CCDC178: variants seen among roughly 807,000 people sequenced by gnomAD.
The protein encoded by CCDC178 is coiled-coil domain containing 178.
In CCDC178, 126 loss-of-function variants were observed where a neutral mutation model predicts 117.4. That is an observed-to-expected ratio of 1.07 (90% CI 0.93 to 1.24). The LOEUF (loss-of-function observed/expected upper bound fraction) is 1.24. CCDC178 is among the 50% of genes most tolerant of loss of function. The pLI, the probability that CCDC178 is intolerant of heterozygous loss-of-function variation, is 0.00. For synonymous variants in CCDC178, 283 were observed against 313.4 expected, an observed-to-expected ratio of 0.90 and a Z score of 1.02; for missense variants, 1,030 against 986.9, an observed-to-expected ratio of 1.04 and a Z score of -0.59.
At chr18:32,977,290 G>C (rs929825888) in intron 21 of CCDC178, among the ~76,000 whole-genome samples, 3 of 152,022 alleles carry the variant, frequency 2.0e-5, no homozygotes, top group African/African-American at 7.3e-5. Context: ...TTCTCTCTCT[G>C]ATATTTTAGC....
At chr18:33,046,632 A>G (rs1230602301) in intron 21 of CCDC178, among the ~76,000 whole-genome samples, 1 of 152,202 alleles carries the variant, frequency 6.6e-6, no homozygotes, top group Non-Finnish European at 1.5e-5. Flanking sequence ...TGATAATGCT[A>G]CAAACTATAA....
chr18:32,979,855 A>G (rs528967492), intron 21 of CCDC178, among the ~76,000 whole-genome samples: 48 of 152,346 alleles, frequency 3.2e-4, no homozygotes, highest in African/African-American at 1.1e-3. Context: ...GAGTAATATT[A>G]GGATCATCCA....
At chr18:33,243,626 A>G (rs1016078797) in intron 15 of CCDC178, among the ~76,000 whole-genome samples, 1 of 151,968 alleles carries the variant, frequency 6.6e-6, no homozygotes, top group Non-Finnish European at 1.5e-5. Context: ...CTTGCATTGA[A>G]TCTGTAAGTT....
chr18:32,938,114 C>G, intron 22 of CCDC178, 23 bp from the exon 23 acceptor site: 1 of 1,522,952 alleles, frequency 6.6e-7, no homozygotes. Flanking sequence ...AAGAAACAAA[C>G]AAAATCAATA....
At chr18:33,101,204 T>C (rs2057621264) in intron 20 of CCDC178, among the ~76,000 whole-genome samples, 1 of 151,578 alleles carries the variant, frequency 6.6e-6, no homozygotes, top group African/African-American at 2.4e-5. Context: ...CCTTGTTAAC[T>C]ATTCCTATGC....
chr18:32,993,111 A>G (rs2055428600), intron 21 of CCDC178, among the ~76,000 whole-genome samples: 1 of 152,138 alleles, frequency 6.6e-6, no homozygotes, highest in Admixed American at 6.5e-5. Context: ...GGTTGCAGTG[A>G]GCTGAGATCA....
intron 21 of CCDC178, among the ~76,000 whole-genome samples, chr18:33,059,489 A>G (rs2056886524): frequency 6.6e-6 from 1 of 152,126 alleles, no homozygotes; most frequent in East Asian, 1.9e-4. Flanking sequence ...CCAAGCTGAG[A>G]ATATTTTTAT....
intron 21 of CCDC178, among the ~76,000 whole-genome samples, chr18:33,059,488 G>T (rs1030323419): frequency 7.2e-5 from 11 of 152,066 alleles, no homozygotes; most frequent in Non-Finnish European, 1.5e-4. Flanking sequence ...CCCAAGCTGA[G>T]AATATTTTTA....
chr18:33,080,089 G>T (rs1003251532), intron 21 of CCDC178, among the ~76,000 whole-genome samples: 1 of 152,190 alleles, frequency 6.6e-6, no homozygotes, highest in Non-Finnish European at 1.5e-5. Flanking sequence ...GGAACACTAT[G>T]CAGCCATAAA....
intron 21 of CCDC178, among the ~76,000 whole-genome samples, chr18:32,980,584 A>G (rs1237041479): frequency 6.7e-6 from 1 of 150,356 alleles, no homozygotes; most frequent in Non-Finnish European, 1.5e-5. Flanking sequence ...AAAAAAAAAA[A>G]AAAAAAAAAG....
chr18:33,308,945 A>G (rs1644622038), intron 11 of CCDC178, among the ~76,000 whole-genome samples: 1 of 152,240 alleles, frequency 6.6e-6, no homozygotes, highest in Admixed American at 6.5e-5. Flanking sequence ...ACCCAGTGTC[A>G]GGCAGTTCTT....
At chr18:33,195,664 C>G (rs1205098333) in intron 20 of CCDC178, among the ~76,000 whole-genome samples, 1 of 152,140 alleles carries the variant, frequency 6.6e-6, no homozygotes, top group Non-Finnish European at 1.5e-5. Flanking sequence ...TGAACAGTAT[C>G]TTGAATAGTT....
chr18:33,062,855 C>G (rs553792730), intron 21 of CCDC178, among the ~76,000 whole-genome samples: 3 of 152,218 alleles, frequency 2.0e-5, no homozygotes, highest in Non-Finnish European at 2.9e-5. Flanking sequence ...TCCCCACATT[C>G]ACCTAGATGC....
chr18:33,082,922 C>T (rs896718689), intron 21 of CCDC178, among the ~76,000 whole-genome samples: 6 of 151,856 alleles, frequency 4.0e-5, no homozygotes, highest in Non-Finnish European at 5.9e-5. Context: ...TCCATTGCCA[C>T]GGTTGAGGTT....
chr18:33,109,022 G>T (rs997512222), intron 20 of CCDC178, among the ~76,000 whole-genome samples: 45 of 151,690 alleles, frequency 3.0e-4, no homozygotes, highest in African/African-American at 1.1e-3. Flanking sequence ...GTGTGTAATG[G>T]CACAGTCATA....
At chr18:33,356,202 C>T (rs2063054464) in intron 7 of CCDC178, 122 bp downstream of exon 7, 1 of 991,290 alleles carries the variant, frequency 1.0e-6, no homozygotes, top group Admixed American at 3.4e-5. Flanking sequence ...ATTGCAATAT[C>T]TATTGTGAAA....
chr18:33,115,795 G>T (rs551639847), intron 20 of CCDC178, among the ~76,000 whole-genome samples: 1 of 151,898 alleles, frequency 6.6e-6, no homozygotes, highest in Non-Finnish European at 1.5e-5. Flanking sequence ...GGAGTTAATC[G>T]TTCTGCCTCA....
chr18:33,254,771 A>G (rs2059659689), intron 14 of CCDC178, among the ~76,000 whole-genome samples: 1 of 152,074 alleles, frequency 6.6e-6, no homozygotes, highest in Non-Finnish European at 1.5e-5. Context: ...GTAAATTCCT[A>G]TCAGAAGAAT....
At chr18:32,945,122 T>A (rs796134230) in intron 22 of CCDC178, among the ~76,000 whole-genome samples, 6 of 152,310 alleles carry the variant, frequency 3.9e-5, no homozygotes, top group African/African-American at 1.4e-4. Context: ...AATCAGAGAT[T>A]TGTCAATGCT....
Sources: allele counts gnomAD v4.1 joint callset (sites outside exome capture counted in the v4.1 genomes callset), GRCh38; gene constraint gnomAD v4.1.1; transcripts MANE v1.5; gene names NCBI Gene and HGNC (gene_info 2026-07-23, HGNC 2026-07-21).